Variants in CNTNAP5 observed in about 807,000 individuals in gnomAD.
The protein encoded by CNTNAP5 is contactin-associated protein-like 5.
In CNTNAP5, 72 loss-of-function variants were observed where a neutral mutation model predicts 150.2. The observed-to-expected ratio is 0.48, with a 90% CI of 0.40 to 0.58. The LOEUF is 0.58. CNTNAP5 is among the 20% of genes least tolerant of loss of function. CNTNAP5 has a pLI of 0.00. For synonymous variants in CNTNAP5, 672 were observed against 619.8 expected (o/e 1.08, Z -1.25); for missense variants, 1,636 against 1,626.2 (o/e 1.01, Z -0.10).
chr2:124,869,468 C>A (rs1192491951), intron 20 of CNTNAP5, among the ~76,000 whole-genome samples: 2 of 151,948 alleles, frequency 1.3e-5, no homozygotes, highest in Non-Finnish European at 2.9e-5. Context: ...GTGTGAAAAC[C>A]CTTATTTCAC....
intron 1 of CNTNAP5, among the ~76,000 whole-genome samples, chr2:124,205,554 G>T (rs1331434616): frequency 6.6e-6 from 1 of 151,956 alleles, no homozygotes; most frequent in African/African-American, 2.4e-5. Context: ...AAGTAGCTGG[G>T]ACTACAGGTG....
chr2:124,199,306 A>G (rs988568964), intron 1 of CNTNAP5, among the ~76,000 whole-genome samples: 1 of 151,788 alleles, frequency 6.6e-6, no homozygotes, highest in Non-Finnish European at 1.5e-5. Context: ...TATGGTATTG[A>G]GTCTTTCTAG....
chr2:124,865,512 A>G (rs1414043145), intron 20 of CNTNAP5, 76 bp downstream of exon 20: 2 of 1,374,418 alleles, frequency 1.5e-6, no homozygotes, highest in Non-Finnish European at 2.0e-6. Flanking sequence ...CTTCTACCCC[A>G]TGCCAGTGTA....
At chr2:124,494,201 T>C (rs575750479) in intron 7 of CNTNAP5, among the ~76,000 whole-genome samples, 12 of 151,842 alleles carry the variant, frequency 7.9e-5, no homozygotes, top group Admixed American at 6.6e-5. Context: ...GGGATGTTTA[T>C]AGCGTGACTA....
chr2:124,055,559 G>C (rs911217839), intron 1 of CNTNAP5, among the ~76,000 whole-genome samples: 2 of 152,078 alleles, frequency 1.3e-5, no homozygotes, highest in African/African-American at 4.8e-5. Flanking sequence ...CTTACCAGTG[G>C]GATATGATCA....
chr2:124,035,398 T>TTTCC (rs1191670415), intron 1 of CNTNAP5, among the ~76,000 whole-genome samples: 1 of 8,298 alleles, frequency 1.2e-4, no homozygotes, highest in African/African-American at 1.3e-4. Flanking sequence ...CTTCTACTCC[T>TTTCC]TTCCTTTCTA....
At chr2:124,203,534 G>A (rs186835587) in intron 1 of CNTNAP5, among the ~76,000 whole-genome samples, 1 of 152,168 alleles carries the variant, frequency 6.6e-6, no homozygotes, top group African/African-American at 2.4e-5. Flanking sequence ...CCTAGCAGAA[G>A]TTCTCCATGA....
At chr2:124,762,382 C>T (rs1016177529) in intron 14 of CNTNAP5, among the ~76,000 whole-genome samples, 16 of 151,986 alleles carry the variant, frequency 1.1e-4, no homozygotes, top group African/African-American at 3.9e-4. Flanking sequence ...TAATTTTCTA[C>T]ATGTGGTGTG....
chr2:124,278,481 C>T (rs1384630304), intron 3 of CNTNAP5, among the ~76,000 whole-genome samples: 1 of 152,102 alleles, frequency 6.6e-6, no homozygotes, highest in African/African-American at 2.4e-5. Flanking sequence ...CATGGGTTCA[C>T]TTTCTATCCA....
At chr2:124,208,652 G>A (rs1386189120) in intron 1 of CNTNAP5, among the ~76,000 whole-genome samples, 1 of 152,144 alleles carries the variant, frequency 6.6e-6, no homozygotes, top group African/African-American at 2.4e-5. Flanking sequence ...AACCATGCCA[G>A]TTTATTGTCC....
intron 13 of CNTNAP5, among the ~76,000 whole-genome samples, chr2:124,721,700 G>A (rs76410021): frequency 0.052 from 7,932 of 152,006 alleles, 724 homozygotes; most frequent in African/African-American, 0.18. Flanking sequence ...GGGAAAGTAT[G>A]GTTTTCCTTC....
intron 3 of CNTNAP5, among the ~76,000 whole-genome samples, chr2:124,310,384 T>C (rs1292047534): frequency 6.6e-6 from 1 of 152,066 alleles, no homozygotes; most frequent in Admixed American, 6.5e-5. Context: ...TCCTACTTAG[T>C]GGGTTGGTAA....
In CNTNAP5 at chr2:124,146,422, AC is replaced by A. The variant is rs1293125206; in HGVS notation, c.83-75281del. Among the ~76,000 whole-genome samples, 3 of 152,184 alleles carry A rather than the reference AC, an allele frequency of 2.0e-5. No homozygotes were observed. The East Asian group carries it at 5.8e-4, about 29-fold the overall frequency. On this transcript the variant is annotated intron_variant, in intron 1 of 23. Coordinates refer to ENST00000682447, the MANE Select transcript of CNTNAP5 (RefSeq NM_001367498.1). ...AGAACCTTGACACTCTGGACCTTTC[AC>A]CTGTGATTTTCACTTCTGGGAATCT...
At chr2:124,177,606 A>G (rs755096745) in intron 1 of CNTNAP5, among the ~76,000 whole-genome samples, 5 of 152,148 alleles carry the variant, frequency 3.3e-5, no homozygotes, top group Non-Finnish European at 7.4e-5. Context: ...GGAGAAACAG[A>G]TACATGAATG....
chr2:124,657,678 G>T (rs1441514128), intron 13 of CNTNAP5, among the ~76,000 whole-genome samples: 1 of 152,184 alleles, frequency 6.6e-6, no homozygotes, highest in East Asian at 1.9e-4. Flanking sequence ...GTAGCCTGCA[G>T]AGCTCTGCCA....
At position 124,451,577 on chromosome 2, in the gene CNTNAP5, G is replaced by A. The variant is rs141652829; in HGVS notation, c.918+4640G>A. ...TTCCCACTCAGACAGGCAAAACAGC[G>A]TGTGGAGACTCGCATCGTGAACTTT... On this transcript the variant is annotated intron_variant, in intron 6 of 23. Coordinates refer to ENST00000682447, the MANE Select transcript of CNTNAP5 (RefSeq NM_001367498.1). 3.1e-4 allele frequency among the ~76,000 whole-genome samples: 47 copies of A among 152,220 alleles called. 1 individual carries two copies. The East Asian group carries it at 8.5e-3, about 28-fold the overall frequency.
chr2:124,375,427 A>C (rs556426062), intron 3 of CNTNAP5, among the ~76,000 whole-genome samples: 1 of 152,224 alleles, frequency 6.6e-6, no homozygotes, highest in African/African-American at 2.4e-5. Flanking sequence ...GTATAACTTC[A>C]ATCTAATTTG....
intron 3 of CNTNAP5, among the ~76,000 whole-genome samples, chr2:124,390,047 G>T (rs939497447): frequency 6.6e-6 from 1 of 151,930 alleles, no homozygotes; most frequent in African/African-American, 2.4e-5. Flanking sequence ...ATGTTTGTCA[G>T]CTCAGAGTCT....
At chr2:124,117,221 T>C (rs1683449203) in intron 1 of CNTNAP5, among the ~76,000 whole-genome samples, 1 of 152,226 alleles carries the variant, frequency 6.6e-6, no homozygotes, top group South Asian at 2.1e-4. Flanking sequence ...AGGTCTATTC[T>C]GGAGGCTTTA....
Sources: gnomAD v4.1 joint callset for allele counts (sites outside exome capture counted in the v4.1 genomes callset) on GRCh38, gnomAD v4.1.1 for gene constraint, MANE v1.5 for transcripts, NCBI Gene and HGNC (gene_info 2026-07-23, HGNC 2026-07-21) for gene names.